Variants in GRIK1 observed in about 807,000 individuals in gnomAD.
GRIK1 encodes glutamate ionotropic receptor kainate type subunit 1.
In GRIK1, 69 loss-of-function variants were observed where a neutral mutation model predicts 105.7. The ratio of observed to expected loss-of-function variants is 0.65; its 90% CI spans 0.54 to 0.80. GRIK1 has a LOEUF of 0.80. GRIK1 is among the 30% of genes least tolerant of loss of function. The probability of loss-of-function intolerance (pLI) is 0.00; values close to 1 mark genes in which losing one functional copy is unlikely to be tolerated. For synonymous variants in GRIK1, 438 were observed against 431.3 expected, an observed-to-expected ratio of 1.02 and a Z score of -0.19; for missense variants, 1,109 against 1,167.3, an observed-to-expected ratio of 0.95 and a Z score of 0.73.
intron 1 of GRIK1, among the ~76,000 whole-genome samples, chr21:29,709,867 A>G (rs1401780506): frequency 1.3e-5 from 2 of 151,816 alleles, no homozygotes; most frequent in Non-Finnish European, 2.9e-5. Context: ...GAGTTTTCTC[A>G]TAATGTAATA....
intron 1 of GRIK1, among the ~76,000 whole-genome samples, chr21:29,820,592 G>C (rs2067273959): frequency 6.6e-6 from 1 of 152,038 alleles, no homozygotes; most frequent in African/African-American, 2.4e-5. Context: ...CTGCAAGAGA[G>C]TGATGAGCAT....
At chr21:29,678,865 T>C (rs2063322289) in intron 3 of GRIK1, among the ~76,000 whole-genome samples, 1 of 152,186 alleles carries the variant, frequency 6.6e-6, no homozygotes, top group Non-Finnish European at 1.5e-5. Flanking sequence ...CATTTTAGCT[T>C]GACTACTCAT....
intron 4 of GRIK1, chr21:29,657,701 C>G (rs1317766469): frequency 6.6e-6 from 1 of 152,206 alleles, no homozygotes; most frequent in South Asian, 2.1e-4. Flanking sequence ...TTGATAAGAA[C>G]AACAAAGTCA....
At chr21:29,609,092 A>G (rs1438150319) in intron 7 of GRIK1, among the ~76,000 whole-genome samples, 5 of 149,298 alleles carry the variant, frequency 3.3e-5, no homozygotes, top group Non-Finnish European at 7.4e-5. Context: ...TTTTAATAAG[A>G]TATTATTAAA....
chr21:29,917,017 T>A (rs1259202536), intron 1 of GRIK1, among the ~76,000 whole-genome samples: 1 of 152,028 alleles, frequency 6.6e-6, no homozygotes, highest in Non-Finnish European at 1.5e-5. Flanking sequence ...ATGACGTTTA[T>A]GTGTTTTTCT....
At chr21:29,806,195 G>C (rs1200668436) in intron 1 of GRIK1, among the ~76,000 whole-genome samples, 1 of 151,904 alleles carries the variant, frequency 6.6e-6, no homozygotes, top group Non-Finnish European at 1.5e-5. Context: ...TACACAAAAT[G>C]AATCTATAAT....
Position 29,560,392 on chromosome 21 carries a change from C to CTTTCTTTCTTTCTTTCTTT in GRIK1, c.2356+1231_2356+1232insAAAGAAAGAAAGAAAGAAA, listed in dbSNP as rs769166953. On this transcript the variant is annotated intron_variant, in intron 15 of 17. Transcript: ENST00000327783. The stretch of plus-strand genomic sequence containing the variant: ...TCCTTCCTTCCTTCCTTCCTTCCTT[C>CTTTCTTTCTTTCTTTCTTT]CTTCCTTCCTTTCTTTCTTTCTTTC... Among the ~76,000 whole-genome samples, 61 of 55,810 alleles carry CTTTCTTTCTTTCTTTCTTT rather than the reference C, an allele frequency of 1.1e-3. 11 individuals are homozygous for CTTTCTTTCTTTCTTTCTTT. The highest frequency in any genetic ancestry group is 1.4e-3 in the East Asian group (2 of 1,450). 36.6% of individuals were successfully genotyped at this position (55,810 alleles called of 152,430 possible).
chr21:29,783,435 C>T (rs893248603), intron 1 of GRIK1, among the ~76,000 whole-genome samples: 1 of 152,130 alleles, frequency 6.6e-6, no homozygotes, highest in South Asian at 2.1e-4. Context: ...TGTGCATATA[C>T]ATATTTTGAT....
intron 1 of GRIK1, among the ~76,000 whole-genome samples, chr21:29,781,010 C>A (rs574220627): frequency 6.6e-6 from 1 of 152,174 alleles, no homozygotes; most frequent in South Asian, 2.1e-4. Flanking sequence ...AATAGCCAAG[C>A]AATACAAAAG....
At chr21:29,812,695 G>C (rs1000885838) in intron 1 of GRIK1, among the ~76,000 whole-genome samples, 10 of 152,122 alleles carry the variant, frequency 6.6e-5, no homozygotes, top group Non-Finnish European at 1.3e-4. Context: ...AAGCCACTAG[G>C]AAATACACAG....
intron 1 of GRIK1, among the ~76,000 whole-genome samples, chr21:29,712,424 A>G (rs1191139132): frequency 6.6e-6 from 1 of 152,094 alleles, no homozygotes; most frequent in Non-Finnish European, 1.5e-5. Flanking sequence ...TATGAAGAAT[A>G]TGTTCCTTTT....
intron 1 of GRIK1, among the ~76,000 whole-genome samples, chr21:29,862,156 G>T (rs1250250499): frequency 6.6e-6 from 1 of 151,950 alleles, no homozygotes; most frequent in Non-Finnish European, 1.5e-5. Context: ...CTGGCTAATT[G>T]TCTTATTTTT....
chr21:29,936,334 A>C (rs2071753777), intron 1 of GRIK1, among the ~76,000 whole-genome samples: 1 of 152,270 alleles, frequency 6.6e-6, no homozygotes, highest in Middle Eastern at 3.4e-3. Context: ...ATGCACTTGG[A>C]ATATTTTTTT....
intron 1 of GRIK1, among the ~76,000 whole-genome samples, chr21:29,850,622 T>C (rs1249292206): frequency 6.6e-6 from 1 of 152,228 alleles, no homozygotes; most frequent in African/African-American, 2.4e-5. Context: ...CCTTGTTTAG[T>C]GCTCATAACA....
At chr21:29,675,584 T>C (rs2063249963) in intron 3 of GRIK1, among the ~76,000 whole-genome samples, 1 of 152,198 alleles carries the variant, frequency 6.6e-6, no homozygotes, top group Non-Finnish European at 1.5e-5. Flanking sequence ...CATTTATTTT[T>C]ATGGGAAAAC....
chr21:29,710,575 A>G (rs1347613707), intron 1 of GRIK1, among the ~76,000 whole-genome samples: 4 of 152,106 alleles, frequency 2.6e-5, no homozygotes, highest in Non-Finnish European at 5.9e-5. Flanking sequence ...TTAGACTGTT[A>G]CCTATTTCAA....
intron 9 of GRIK1, among the ~76,000 whole-genome samples, chr21:29,594,617 A>G (rs977000252): frequency 1.3e-5 from 2 of 152,328 alleles, no homozygotes; most frequent in Non-Finnish European, 2.9e-5. Flanking sequence ...GACAACTGAG[A>G]AAAGCATTTG....
At chr21:29,782,328 T>C (rs944478011) in intron 1 of GRIK1, among the ~76,000 whole-genome samples, 14 of 152,208 alleles carry the variant, frequency 9.2e-5, no homozygotes, top group South Asian at 6.2e-4. Flanking sequence ...CCTTGTGATC[T>C]GCCCTCCTTG....
At chr21:29,878,831 T>A (rs1035056022) in intron 1 of GRIK1, among the ~76,000 whole-genome samples, 1 of 152,110 alleles carries the variant, frequency 6.6e-6, no homozygotes, top group Non-Finnish European at 1.5e-5. Flanking sequence ...AGCCTCCGAA[T>A]CTATGAGAAA....
Sources: gnomAD v4.1 joint callset for allele counts (sites outside exome capture counted in the v4.1 genomes callset) on GRCh38, gnomAD v4.1.1 for gene constraint, MANE v1.5 for transcripts, NCBI Gene and HGNC (gene_info 2026-07-23, HGNC 2026-07-21) for gene names.